Variants in EDIL3 observed in about 807,000 individuals in gnomAD.
EDIL3 encodes the protein EGF like and discoidin domains 3, also known as EGF-like repeat and discoidin I-like domain-containing protein 3.
EDIL3 carries 37 observed loss-of-function variants against 67.4 expected under a neutral mutation model. The ratio of observed to expected loss-of-function variants is 0.55; its 90% CI spans 0.42 to 0.72. The LOEUF (loss-of-function observed/expected upper bound fraction) is 0.72. EDIL3 is among the 30% of genes least tolerant of loss of function. The pLI is 0.00. For missense variants in EDIL3, 527 were observed against 586.3 expected, an observed-to-expected ratio of 0.90 and a Z score of 1.04; for synonymous variants, 195 against 196.3, an observed-to-expected ratio of 0.99 and a Z score of 0.05.
intron 9 of EDIL3, among the ~76,000 whole-genome samples, chr5:84,030,214 T>G (rs1745894883): frequency 6.6e-6 from 1 of 152,250 alleles, no homozygotes. Context: ...TGTTTATTTG[T>G]GCACTTTTAG....
At chr5:84,017,150 T>G (rs560584823) in intron 9 of EDIL3, among the ~76,000 whole-genome samples, 1 of 152,320 alleles carries the variant, frequency 6.6e-6, no homozygotes, top group African/African-American at 2.4e-5. Flanking sequence ...ATGTTCTCAC[T>G]CTCATATTTC....
At chr5:84,020,067 T>C (rs1191977002) in intron 9 of EDIL3, among the ~76,000 whole-genome samples, 1 of 104,832 alleles carries the variant, frequency 9.5e-6, no homozygotes, top group East Asian at 2.7e-4. Context: ...ACGTAGATTA[T>C]CTTTTGTACA....
At chr5:84,232,329 A>G (rs1308055230) in intron 2 of EDIL3, among the ~76,000 whole-genome samples, 1 of 152,188 alleles carries the variant, frequency 6.6e-6, no homozygotes, top group Non-Finnish European at 1.5e-5. Flanking sequence ...CATTTCCCTT[A>G]CAATCCAGGG....
chr5:84,044,196 T>C (rs1746181182), intron 9 of EDIL3, among the ~76,000 whole-genome samples: 1 of 152,164 alleles, frequency 6.6e-6, no homozygotes, highest in Non-Finnish European at 1.5e-5. Context: ...CTGAGAATGA[T>C]GGTTTCCAGC....
chr5:84,001,965 TAAAGAAAGAA>T (rs1324666550), intron 9 of EDIL3, among the ~76,000 whole-genome samples: 2 of 151,310 alleles, frequency 1.3e-5, no homozygotes, highest in Non-Finnish European at 1.5e-5. Context: ...TAAATAAATA[TAAAGAAAGAA>T]AAAGAAAGAA....
At chr5:84,227,696 G>A (rs1449275579) in intron 3 of EDIL3, among the ~76,000 whole-genome samples, 1 of 152,016 alleles carries the variant, frequency 6.6e-6, no homozygotes, top group Non-Finnish European at 1.5e-5. Context: ...ATGGTGGATT[G>A]GATAAAGAAA....
intron 9 of EDIL3, among the ~76,000 whole-genome samples, chr5:84,041,545 T>A (rs1476153000): frequency 7.0e-6 from 1 of 142,378 alleles, no homozygotes; most frequent in Non-Finnish European, 1.5e-5. Flanking sequence ...TGTGTGTGTG[T>A]GCATATATAT....
chr5:84,307,216 T>C (rs1746289963), intron 1 of EDIL3, among the ~76,000 whole-genome samples: 1 of 152,140 alleles, frequency 6.6e-6, no homozygotes, highest in South Asian at 2.1e-4. Flanking sequence ...ATGGAATAAG[T>C]GAATCCAATC....
chr5:84,337,015 C>T (rs1484336491), intron 1 of EDIL3, among the ~76,000 whole-genome samples: 1 of 152,050 alleles, frequency 6.6e-6, no homozygotes, highest in Non-Finnish European at 1.5e-5. Context: ...TATAGAGTTG[C>T]ACAAGTTGTT....
chr5:84,196,766 C>T (rs1332852270), intron 3 of EDIL3: 1 of 152,006 alleles, frequency 6.6e-6, no homozygotes, highest in Non-Finnish European at 1.5e-5. Context: ...TAGCCATGTA[C>T]ACAGGATCAT....
At chr5:84,371,478 AAG>A (rs1276446934) in intron 1 of EDIL3, among the ~76,000 whole-genome samples, 10 of 114,182 alleles carry the variant, frequency 8.8e-5, no homozygotes, top group Admixed American at 4.3e-4. Flanking sequence ...GAGAGAGAGA[AAG>A]AGAGAGAGAG....
At chr5:84,197,203 A>C (rs904538117) in intron 3 of EDIL3, among the ~76,000 whole-genome samples, 1 of 152,036 alleles carries the variant, frequency 6.6e-6, no homozygotes. Flanking sequence ...TTATAGACAA[A>C]TAAATAGGCA....
At chr5:84,220,727 T>C (rs1200317576) in intron 3 of EDIL3, among the ~76,000 whole-genome samples, 2 of 152,158 alleles carry the variant, frequency 1.3e-5, no homozygotes, top group Non-Finnish European at 2.9e-5. Flanking sequence ...ATAAATCTCA[T>C]ACTCCATGGG....
chr5:84,004,646 C>T (rs1283602006), intron 9 of EDIL3, among the ~76,000 whole-genome samples: 6 of 151,786 alleles, frequency 4.0e-5, no homozygotes, highest in Non-Finnish European at 2.9e-5. Context: ...CTAATGAAAA[C>T]AATAAAAATC....
At chr5:84,272,653 C>T (rs1038678641) in intron 1 of EDIL3, among the ~76,000 whole-genome samples, 6 of 152,120 alleles carry the variant, frequency 3.9e-5, no homozygotes, top group Non-Finnish European at 8.8e-5. Flanking sequence ...AAATGCAACT[C>T]ATAAATGGTA....
intron 3 of EDIL3, 24 bp from the exon 4 acceptor site, chr5:84,180,545 CT>C: frequency 6.5e-7 from 1 of 1,537,822 alleles, no homozygotes; most frequent in Middle Eastern, 1.7e-4. Flanking sequence ...AAAAATATTT[CT>C]GCTTGATGCA....
chr5:84,186,745 A>G (rs982673308), intron 3 of EDIL3, among the ~76,000 whole-genome samples: 1 of 152,046 alleles, frequency 6.6e-6, no homozygotes, highest in Admixed American at 6.6e-5. Context: ...ATACAAGCAC[A>G]CATGTATATC....
intron 2 of EDIL3, among the ~76,000 whole-genome samples, chr5:84,239,220 C>T (rs988671677): frequency 9.2e-5 from 14 of 152,124 alleles, no homozygotes; most frequent in Non-Finnish European, 1.6e-4. Flanking sequence ...ATGGTATATA[C>T]ACCCTAGTCA....
intron 4 of EDIL3, among the ~76,000 whole-genome samples, chr5:84,177,255 G>T (rs1482991087): frequency 6.6e-6 from 1 of 151,948 alleles, no homozygotes; most frequent in Non-Finnish European, 1.5e-5. Context: ...ATTACTCAGA[G>T]GTAAAAGTAA....
Sources: gnomAD v4.1 joint callset for allele counts (sites outside exome capture counted in the v4.1 genomes callset) on GRCh38, gnomAD v4.1.1 for gene constraint, MANE v1.5 for transcripts, NCBI Gene and HGNC (gene_info 2026-07-23, HGNC 2026-07-21) for gene names.